The following MARCHF1 variants were observed in gnomAD, a reference collection of about 807,000 sequenced individuals.
MARCHF1 encodes membrane associated ring-CH-type finger 1, also known as E3 ubiquitin-protein ligase MARCHF1.
In MARCHF1, 40 loss-of-function variants were observed where a neutral mutation model predicts 54.2. The observed-to-expected ratio is 0.74, with a 90% CI of 0.57 to 0.96. MARCHF1 has a LOEUF of 0.96. MARCHF1 is among the 40% of genes least tolerant of loss of function. The pLI is 0.00. For missense variants in MARCHF1, 586 were observed against 656.5 expected (o/e 0.89, Z 1.17); for synonymous variants, 236 against 236.3 (o/e 1.00, Z 0.01).
chr4:163,888,823 A>G (rs1368637933), intron 3 of MARCHF1, among the ~76,000 whole-genome samples: 2 of 152,078 alleles, frequency 1.3e-5, no homozygotes, highest in Non-Finnish European at 2.9e-5. Context: ...CATCTCTCTT[A>G]TGTCCCTATC....
At chr4:164,171,061 C>A (rs955176196) in intron 1 of MARCHF1, among the ~76,000 whole-genome samples, 2 of 152,070 alleles carry the variant, frequency 1.3e-5, no homozygotes, top group African/African-American at 4.8e-5. Context: ...TTTATAGTAA[C>A]CAACATATTT....
chr4:164,007,644 C>G (rs112200514), intron 2 of MARCHF1, among the ~76,000 whole-genome samples: 10 of 101,580 alleles, frequency 9.8e-5, no homozygotes, highest in African/African-American at 3.5e-4. Context: ...CTCTCTCTCT[C>G]TCTGTGTGTG....
chr4:164,273,259 C>T (rs372522644), intron 1 of MARCHF1, among the ~76,000 whole-genome samples: 5 of 152,198 alleles, frequency 3.3e-5, no homozygotes, highest in East Asian at 1.9e-4. Flanking sequence ...CACAAGGCAG[C>T]ATGAAGGAGA....
At chr4:164,037,780 A>G (rs1359223921) in intron 2 of MARCHF1, among the ~76,000 whole-genome samples, 2 of 152,206 alleles carry the variant, frequency 1.3e-5, no homozygotes, top group Admixed American at 6.5e-5. Flanking sequence ...TCATGTTGAT[A>G]GTATGTACCC....
At chr4:164,306,604 T>A (rs1468841715) in intron 1 of MARCHF1, among the ~76,000 whole-genome samples, 1 of 152,166 alleles carries the variant, frequency 6.6e-6, no homozygotes, top group Non-Finnish European at 1.5e-5. Flanking sequence ...TAGATCATAA[T>A]CTATATCTGC....
intron 5 of MARCHF1, among the ~76,000 whole-genome samples, chr4:163,653,704 T>G (rs1743048128): frequency 6.6e-6 from 1 of 151,706 alleles, no homozygotes; most frequent in African/African-American, 2.4e-5. Flanking sequence ...TCTGAGGAAC[T>G]AGATGAGTGG....
rs144840363 is a variant in MARCHF1 at position 163,538,680 on chromosome 4, G to A, written c.1339+6916C>T. ...TTTCGAGGGGTACGGATTTTATTCC[G>A]AAGAACCCTATTCCTAAGAGTCTAC... On this transcript the variant is annotated intron_variant, in intron 9 of 9. Transcript: ENST00000514618. 1.7e-3 allele frequency among the ~76,000 whole-genome samples: 252 copies of A among 152,250 alleles called. 1 individual carries two copies. Among genetic ancestry groups the A allele is most frequent in the African/African-American group, 5.4e-3 (226 of 41,540 alleles).
chr4:163,714,492 A>G (rs1043430362), intron 4 of MARCHF1, among the ~76,000 whole-genome samples: 6 of 152,212 alleles, frequency 3.9e-5, no homozygotes, highest in Non-Finnish European at 7.3e-5. Context: ...TTCTCAATGG[A>G]AGAGACTATA....
intron 5 of MARCHF1, among the ~76,000 whole-genome samples, chr4:163,643,038 C>T (rs187676119): frequency 1.4e-3 from 207 of 151,476 alleles, no homozygotes; most frequent in Middle Eastern, 6.8e-3. Flanking sequence ...GTTGGCCAGG[C>T]GCAGTGGCTC....
chr4:163,940,517 G>T (rs1011108355), intron 3 of MARCHF1, among the ~76,000 whole-genome samples: 44 of 152,198 alleles, frequency 2.9e-4, no homozygotes, highest in Non-Finnish European at 5.6e-4. Flanking sequence ...TTCTGTGTGT[G>T]TGTGTTTCAT....
intron 2 of MARCHF1, among the ~76,000 whole-genome samples, chr4:164,026,546 T>C (rs1294745082): frequency 6.6e-6 from 1 of 152,032 alleles, no homozygotes; most frequent in Non-Finnish European, 1.5e-5. Context: ...CATCCCTTCA[T>C]CATAAAAACC....
At chr4:164,350,961 G>T (rs1730296197) in intron 1 of MARCHF1, among the ~76,000 whole-genome samples, 1 of 151,984 alleles carries the variant, frequency 6.6e-6, no homozygotes, top group Non-Finnish European at 1.5e-5. Context: ...GAAGCGCAAG[G>T]GGTCAGGGAG....
intron 3 of MARCHF1, among the ~76,000 whole-genome samples, chr4:163,969,406 G>A (rs1242010227): frequency 6.6e-6 from 1 of 152,120 alleles, no homozygotes. Flanking sequence ...TTGTCAGTGT[G>A]GTGATATATT....
chr4:163,907,378 G>A (rs1175216421), intron 3 of MARCHF1, among the ~76,000 whole-genome samples: 1 of 152,016 alleles, frequency 6.6e-6, no homozygotes, highest in Non-Finnish European at 1.5e-5. Flanking sequence ...TGACAAATGA[G>A]TTGCAAAGAG....
At chr4:163,543,650 G>C (rs1189914170) in intron 9 of MARCHF1, among the ~76,000 whole-genome samples, 4 of 152,122 alleles carry the variant, frequency 2.6e-5, no homozygotes, top group South Asian at 4.1e-4. Context: ...GGTTTTTGGA[G>C]ATATTTTTGT....
intron 1 of MARCHF1, among the ~76,000 whole-genome samples, chr4:164,252,258 A>G (rs1449611826): frequency 6.6e-6 from 1 of 152,202 alleles, no homozygotes; most frequent in Non-Finnish European, 1.5e-5. Context: ...CCCCTCCTGC[A>G]TCAAATCTGT....
At chr4:164,184,233 C>G (rs536599294) in intron 1 of MARCHF1, among the ~76,000 whole-genome samples, 1 of 152,130 alleles carries the variant, frequency 6.6e-6, no homozygotes, top group African/African-American at 2.4e-5. Flanking sequence ...TTCAGTTTTC[C>G]ATTTACAGTT....
intron 4 of MARCHF1, among the ~76,000 whole-genome samples, chr4:163,786,717 T>C (rs1225995952): frequency 6.6e-6 from 1 of 151,960 alleles, no homozygotes; most frequent in African/African-American, 2.4e-5. Context: ...TAATTTTTCT[T>C]TCAGAAATAG....
At chr4:163,701,753 C>G (rs12512943) in intron 4 of MARCHF1, among the ~76,000 whole-genome samples, 60,663 of 151,876 alleles carry the variant, frequency 0.4, 12,975 homozygotes, top group Non-Finnish European at 0.48. Flanking sequence ...GTTGTTGGAA[C>G]AATCAATTCT....
Sources: gnomAD v4.1 joint callset for allele counts (sites outside exome capture counted in the v4.1 genomes callset) on GRCh38, gnomAD v4.1.1 for gene constraint, MANE v1.5 for transcripts, NCBI Gene and HGNC (gene_info 2026-07-23, HGNC 2026-07-21) for gene names.